The following ARHGAP21 variants were observed in gnomAD, a reference collection of about 807,000 sequenced individuals.
ARHGAP21 encodes Rho GTPase activating protein 21.
Under a neutral mutation model 164.6 loss-of-function variants are expected in ARHGAP21, and 38 were observed. The observed-to-expected ratio is 0.23, with a 90% CI of 0.18 to 0.30. ARHGAP21 has a LOEUF of 0.30. Among genes scored for constraint, ARHGAP21 ranks in the 10% least tolerant of loss-of-function variants. The pLI is 1.00. For synonymous variants in ARHGAP21, 766 were observed against 857.9 expected (o/e 0.89, Z 1.87); for missense variants, 1,822 against 2,370.7 (o/e 0.77, Z 4.81).
chr10:24,648,711 G>A (rs1384481745), intron 4 of ARHGAP21: 14 of 728,918 alleles, frequency 1.9e-5, no homozygotes, highest in East Asian at 1.3e-4. Context: ...ACCCAGAGGC[G>A]CAGGCTGCAG....
intron 4 of ARHGAP21, among the ~76,000 whole-genome samples, chr10:24,656,275 G>A (rs569157357): frequency 2.8e-5 from 3 of 107,844 alleles, no homozygotes; most frequent in South Asian, 3.4e-4. Flanking sequence ...ACCTCTGCCC[G>A]GCCGCCCCTA....
Position 24,585,213 on chromosome 10 carries a change from G to A in ARHGAP21, c.5076C>T (p.Phe1692=), listed in dbSNP as rs1210297220. ...TSSLDSRRQL[F]SSHKLIECDT... ...CACATTCGATGAGTTTATGGGAACT[G>A]AAGAGCTGTCTCCGGCTATCTAAAC... The change falls in exon 26 of 26, where the codon TTC becomes TTT. Residue 1692 remains phenylalanine, a synonymous_variant. Coordinates refer to ENST00000396432, the MANE Select transcript of ARHGAP21 (RefSeq NM_020824.4). 6.2e-7 allele frequency: 1 copy of A among 1,605,460 alleles called. No homozygotes were observed. Among genetic ancestry groups the A allele is most frequent in the East Asian group, 2.2e-5 (1 of 44,834 alleles).
chr10:24,632,130 A>G (rs1267189582), intron 6 of ARHGAP21, among the ~76,000 whole-genome samples: 1 of 152,224 alleles, frequency 6.6e-6, no homozygotes, highest in African/African-American at 2.4e-5. Flanking sequence ...TTTAATGGAA[A>G]TAAGATTATG....
At chr10:24,701,145 C>T (rs1464033464) in intron 2 of ARHGAP21, among the ~76,000 whole-genome samples, 1 of 151,718 alleles carries the variant, frequency 6.6e-6, no homozygotes, top group Non-Finnish European at 1.5e-5. Flanking sequence ...AGGAGGAAGA[C>T]AAGAGGAAGG....
intron 7 of ARHGAP21, among the ~76,000 whole-genome samples, chr10:24,628,834 T>TATAC: frequency 2.1e-5 from 3 of 144,240 alleles, no homozygotes; most frequent in African/African-American, 7.8e-5. Context: ...CACATATATG[T>TATAC]ACATATATAC....
chr10:24,715,042 A>G (rs1245501582), intron 2 of ARHGAP21, among the ~76,000 whole-genome samples: 1 of 144,000 alleles, frequency 6.9e-6, no homozygotes, highest in East Asian at 2.1e-4. Flanking sequence ...AAAAAAAAAG[A>G]AAAGAAAAGA....
intron 1 of ARHGAP21, chr10:24,722,693 G>GC: frequency 6.6e-6 from 1 of 152,156 alleles, no homozygotes; most frequent in Non-Finnish European, 1.5e-5. Flanking sequence ...CCCCAAAAAC[G>GC]CAAGCACAAA....
chr10:24,630,095 A>T (rs761917841), intron 6 of ARHGAP21, 45 bp from the exon 7 acceptor site: 4 of 1,070,796 alleles, frequency 3.7e-6, no homozygotes, highest in South Asian at 3.8e-5. Flanking sequence ...AGAAGTGTAT[A>T]AAAAAAGACT....
At chr10:24,714,757 G>A (rs1042196797) in intron 2 of ARHGAP21, among the ~76,000 whole-genome samples, 4 of 151,894 alleles carry the variant, frequency 2.6e-5, no homozygotes, top group South Asian at 2.1e-4. Context: ...TTTTTTGGCC[G>A]GGCACGGTGG....
At chr10:24,607,240 A>T (rs1191450861) in intron 11 of ARHGAP21, among the ~76,000 whole-genome samples, 1 of 152,252 alleles carries the variant, frequency 6.6e-6, no homozygotes, top group African/African-American at 2.4e-5. Context: ...AAAAGAAAAC[A>T]GTAACATATT....
At chr10:24,618,007 G>T (rs984205973) in intron 9 of ARHGAP21, among the ~76,000 whole-genome samples, 5 of 151,100 alleles carry the variant, frequency 3.3e-5, no homozygotes, top group African/African-American at 1.2e-4. Context: ...GCTGTGCTCT[G>T]GGACGAGGCT....
At chr10:24,720,070 T>A (rs1348567116) in intron 2 of ARHGAP21, among the ~76,000 whole-genome samples, 1 of 151,982 alleles carries the variant, frequency 6.6e-6, no homozygotes, top group Non-Finnish European at 1.5e-5. Flanking sequence ...ATTGCTAAAC[T>A]TAAAAACAAG....
At chr10:24,598,167 T>A (rs1220145769) in intron 14 of ARHGAP21, among the ~76,000 whole-genome samples, 158 bp from the exon 15 acceptor site, 1 of 152,198 alleles carries the variant, frequency 6.6e-6, no homozygotes, top group Non-Finnish European at 1.5e-5. Context: ...TCAACATCAC[T>A]GTGTGAAAGA....
In ARHGAP21 at chr10:24,716,558, G is replaced by A. The variant is rs540679722; in HGVS notation, c.63+5279C>T. On this transcript the variant is annotated intron_variant, in intron 2 of 25. Transcript: ENST00000396432. The stretch of plus-strand genomic sequence containing the variant: ...TGAGGCGGGAAGAGGCACAGGAGGT[G>A]CGCTCAGGGAGGGGGAAGGACCAAT... 2.6e-5 allele frequency among the ~76,000 whole-genome samples: 4 copies of A among 152,360 alleles called. No individual in the cohort carries two copies. In the South Asian group the frequency reaches 6.2e-4, roughly 24 times the overall value.
At chr10:24,670,451 T>C in intron 2 of ARHGAP21, 54 bp from the exon 3 acceptor site, 1 of 1,240,348 alleles carries the variant, frequency 8.1e-7, no homozygotes, top group Non-Finnish European at 1.1e-6. Context: ...TACTTCCTCA[T>C]CTAAAAAAAT....
intron 2 of ARHGAP21, among the ~76,000 whole-genome samples, chr10:24,708,590 C>T (rs942167017): frequency 6.6e-6 from 1 of 152,184 alleles, no homozygotes; most frequent in African/African-American, 2.4e-5. Flanking sequence ...ACTCTGTCAC[C>T]CTTCTGAGTC....
chr10:24,587,448 T>TTTAAAGTC (rs1564949529), intron 25 of ARHGAP21, among the ~76,000 whole-genome samples: 1 of 149,054 alleles, frequency 6.7e-6, no homozygotes, highest in Non-Finnish European at 1.5e-5. Context: ...AACTGCTCTA[T>TTTAAAGTC]TTAAAGTCTT....
chr10:24,700,380 G>A (rs1843557175), intron 2 of ARHGAP21, among the ~76,000 whole-genome samples: 1 of 152,200 alleles, frequency 6.6e-6, no homozygotes, highest in South Asian at 2.1e-4. Flanking sequence ...GCTACAGAGA[G>A]GCTGGCCTGG....
chr10:24,678,379 C>T (rs1448146371), intron 2 of ARHGAP21, among the ~76,000 whole-genome samples: 1 of 152,170 alleles, frequency 6.6e-6, no homozygotes, highest in African/African-American at 2.4e-5. Context: ...ACAAGGATCT[C>T]TCCTGTTGCC....
Sources: allele counts gnomAD v4.1 joint callset (sites outside exome capture counted in the v4.1 genomes callset), GRCh38; gene constraint gnomAD v4.1.1; transcripts MANE v1.5; gene names NCBI Gene and HGNC (gene_info 2026-07-23, HGNC 2026-07-21).